The following BTRC variants were observed in gnomAD, a reference collection of about 807,000 sequenced individuals.
BTRC encodes the protein F-box/WD repeat-containing protein 1A.
BTRC carries 42 observed loss-of-function variants against 85.5 expected under a neutral mutation model. The observed-to-expected ratio is 0.49, with a 90% confidence interval of 0.38 to 0.64. The LOEUF (loss-of-function observed/expected upper bound fraction) is 0.64. Ranked by LOEUF, BTRC falls within the 30% of genes least tolerant of loss-of-function variation. The pLI, the probability that BTRC is intolerant of heterozygous loss-of-function variation, is 0.00. For synonymous variants in BTRC, 255 were observed against 263.3 expected, an observed-to-expected ratio of 0.97 and a Z score of 0.30; for missense variants, 594 against 743.5, an observed-to-expected ratio of 0.80 and a Z score of 2.34.
At chr10:101,460,241 T>A (rs545127065) in intron 2 of BTRC, among the ~76,000 whole-genome samples, 2 of 152,224 alleles carry the variant, frequency 1.3e-5, no homozygotes, top group Admixed American at 1.3e-4. Context: ...AAAAAAAAAG[T>A]TAAACATACA....
At chr10:101,439,246 T>C (rs866221219) in intron 2 of BTRC, among the ~76,000 whole-genome samples, 10 of 152,348 alleles carry the variant, frequency 6.6e-5, no homozygotes, top group Middle Eastern at 3.4e-3. Flanking sequence ...GATGTGTGCC[T>C]GAGCGCTTCA....
chr10:101,556,339 T>TG lies in BTRC; in HGVS notation c.*3220dup, dbSNP rs2062723741. On this transcript the variant is annotated 3_prime_UTR_variant, in exon 15 of 15. Coordinates refer to ENST00000370187, the MANE Select transcript of BTRC (RefSeq NM_033637.4). ...ACTCCTTACTTAGCACTTGATTGTG[T>TG]GGGGAAACAAAGGTGGGAGGGGTGG... 1 of 152,050 alleles carries TG rather than the reference T, an allele frequency of 6.6e-6. No individual in the cohort carries two copies. The highest frequency in any genetic ancestry group is 1.5e-5 in the Non-Finnish European group (1 of 68,014). 9.4% of individuals were successfully genotyped at this position (152,050 alleles called of 1,614,324 possible).
chr10:101,512,419 C>G (rs1267892973), intron 4 of BTRC, among the ~76,000 whole-genome samples: 2 of 152,174 alleles, frequency 1.3e-5, no homozygotes, highest in Non-Finnish European at 2.9e-5. Flanking sequence ...AACCCCAGTA[C>G]TAAAGAGTGT....
intron 13 of BTRC, among the ~76,000 whole-genome samples, chr10:101,544,725 G>A (rs1206246292): frequency 6.6e-6 from 1 of 152,016 alleles, no homozygotes; most frequent in African/African-American, 2.4e-5. Flanking sequence ...AAAAGTTTTC[G>A]TTTTGCCTTC....
intron 1 of BTRC, among the ~76,000 whole-genome samples, chr10:101,407,143 AG>A (rs1444692443): frequency 1.3e-5 from 2 of 152,152 alleles, no homozygotes; most frequent in Non-Finnish European, 2.9e-5. Context: ...GGATCAGTTG[AG>A]GCCAGGAGTA....
At chr10:101,547,630 C>T (rs1430424044) in intron 13 of BTRC, among the ~76,000 whole-genome samples, 1 of 152,062 alleles carries the variant, frequency 6.6e-6, no homozygotes, top group African/African-American at 2.4e-5. Context: ...TGAGCCACTG[C>T]ACCCGGCCAT....
intron 1 of BTRC, among the ~76,000 whole-genome samples, chr10:101,366,896 ATTTATATATATT>A (rs1942427141): frequency 2.5e-5 from 1 of 40,778 alleles, no homozygotes; most frequent in Non-Finnish European, 4.7e-5. Context: ...ATTTATATAT[ATTTATATATATT>A]AATATATATT....
chr10:101,399,595 C>G (rs921262107), intron 1 of BTRC, among the ~76,000 whole-genome samples: 1 of 152,116 alleles, frequency 6.6e-6, no homozygotes, highest in Admixed American at 6.5e-5. Context: ...ATGTGAATCT[C>G]CCTTTCTCCT....
chr10:101,429,703 C>T (rs552415190), intron 1 of BTRC, among the ~76,000 whole-genome samples: 1 of 150,206 alleles, frequency 6.7e-6, no homozygotes, highest in Non-Finnish European at 1.5e-5. Context: ...CCCCACCCCC[C>T]ACAGACCCCA....
chr10:101,423,997 A>G (rs112744139), intron 1 of BTRC, among the ~76,000 whole-genome samples: 13 of 152,306 alleles, frequency 8.5e-5, no homozygotes, highest in Middle Eastern at 3.4e-3. Context: ...TGGGAGGCCA[A>G]GGCAGGTGGA....
At chr10:101,540,076 T>C (rs953953890) in intron 13 of BTRC, among the ~76,000 whole-genome samples, 1 of 152,218 alleles carries the variant, frequency 6.6e-6, no homozygotes, top group African/African-American at 2.4e-5. Context: ...TCATAAAATT[T>C]GTTTCTTTGT....
At chr10:101,464,869 G>A (rs958527289) in intron 3 of BTRC, among the ~76,000 whole-genome samples, 1 of 152,138 alleles carries the variant, frequency 6.6e-6, no homozygotes, top group Non-Finnish European at 1.5e-5. Context: ...GCTTGTGTCT[G>A]TCTATTGTGG....
chr10:101,392,707 A>G (rs1244938056), intron 1 of BTRC, among the ~76,000 whole-genome samples: 1 of 152,098 alleles, frequency 6.6e-6, no homozygotes, highest in Admixed American at 6.5e-5. Flanking sequence ...TCACCATAGT[A>G]GAGACAGGGT....
chr10:101,447,244 G>A (rs986311196), intron 2 of BTRC, among the ~76,000 whole-genome samples: 5 of 152,158 alleles, frequency 3.3e-5, no homozygotes, highest in South Asian at 4.2e-4. Context: ...CCAGGCCCTC[G>A]TGGGTCAAGT....
At chr10:101,386,158 A>C (rs1406027788) in intron 1 of BTRC, among the ~76,000 whole-genome samples, 1 of 152,216 alleles carries the variant, frequency 6.6e-6, no homozygotes, top group African/African-American at 2.4e-5. Context: ...ATATATGGAC[A>C]GATACACTTA....
At chr10:101,401,079 T>C (rs1346211993) in intron 1 of BTRC, among the ~76,000 whole-genome samples, 3 of 152,224 alleles carry the variant, frequency 2.0e-5, no homozygotes, top group African/African-American at 7.2e-5. Flanking sequence ...ATAAATTCTA[T>C]GGCAATAAAA....
Position 101,512,829 on chromosome 10 carries a change from T to C in BTRC, c.325-8810T>C, listed in dbSNP as rs2061973873. ...TGTCACCTGACAGCTTCTTTCTTTC[T>C]TGTGGAGACAACTGTTCACTATAAA... On this transcript the variant is annotated intron_variant, in intron 4 of 14. Coordinates refer to ENST00000370187, the MANE Select transcript of BTRC (RefSeq NM_033637.4). Among the ~76,000 whole-genome samples the C allele has an allele frequency of 2.0e-5, 3 of 152,230 alleles. No individual in the cohort carries two copies. The South Asian group carries it at 6.2e-4, about 32-fold the overall frequency.
intron 4 of BTRC, among the ~76,000 whole-genome samples, chr10:101,495,603 G>T (rs1304070792): frequency 6.6e-6 from 1 of 152,130 alleles, no homozygotes; most frequent in Non-Finnish European, 1.5e-5. Context: ...TGCAAGTGAA[G>T]ATATAGTCTC....
At chr10:101,381,449 C>CT (rs1416105834) in intron 1 of BTRC, among the ~76,000 whole-genome samples, 2 of 152,186 alleles carry the variant, frequency 1.3e-5, no homozygotes, top group African/African-American at 4.8e-5. Flanking sequence ...ACTGTTCTAT[C>CT]TACTGGGTTG....
Sources: allele counts gnomAD v4.1 joint callset (sites outside exome capture counted in the v4.1 genomes callset), GRCh38; gene constraint gnomAD v4.1.1; transcripts MANE v1.5; gene names NCBI Gene and HGNC (gene_info 2026-07-23, HGNC 2026-07-21).